The following PSG2 variants were observed in gnomAD, a reference collection of about 807,000 sequenced individuals.
The protein encoded by PSG2 is pregnancy-specific beta-1-glycoprotein 2.
PSG2 carries 49 observed loss-of-function variants against 36.2 expected under a neutral mutation model. The ratio of observed to expected loss-of-function variants is 1.35; its 90% CI spans 1.08 to 1.72. The LOEUF (loss-of-function observed/expected upper bound fraction) is 1.72. PSG2 is among the 40% of genes most tolerant of loss of function. The probability of loss-of-function intolerance (pLI) is 0.00; values close to 1 mark genes in which losing one functional copy is unlikely to be tolerated. For synonymous variants in PSG2, 261 were observed against 155.6 expected (o/e 1.68, Z -5.04); for missense variants, 605 against 407.2 (o/e 1.49, Z -4.18).
intron 1 of PSG2, among the ~76,000 whole-genome samples, chr19:43,081,577 C>T (rs1346646957): frequency 6.6e-6 from 1 of 151,488 alleles, no homozygotes; most frequent in East Asian, 1.9e-4. Flanking sequence ...ATCAGGGTAT[C>T]CTAAGACTTC....
At position 43,071,611 on chromosome 19, in the gene PSG2, G is replaced by C. The variant is rs1418297253; in HGVS notation, c.964+89C>G. 10 of 1,611,044 alleles carry C rather than the reference G, an allele frequency of 6.2e-6. No homozygotes were observed. The African/African-American group carries it at 6.7e-5, about 11-fold the overall frequency. ...TGCTTTTGCCCATGGGACACAGGCT[G>C]GGAATAAAAATGTTTTCCTGACTCT... On this transcript the variant is annotated intron_variant, in intron 4 of 5. Coordinates refer to ENST00000406487, the MANE Select transcript of PSG2 (RefSeq NM_031246.4).
intron 3 of PSG2, among the ~76,000 whole-genome samples, chr19:43,074,257 T>A (rs926643448): frequency 1.3e-5 from 2 of 151,376 alleles, no homozygotes; most frequent in African/African-American, 4.9e-5. Flanking sequence ...CTGGGAGGGG[T>A]TGCATTGAAT....
intron 2 of PSG2, among the ~76,000 whole-genome samples, chr19:43,078,170 G>A (rs1042559102): frequency 6.6e-6 from 1 of 151,734 alleles, no homozygotes; most frequent in Non-Finnish European, 1.5e-5. Context: ...TTATTCCTGG[G>A]CATAGGCCAG....
chr19:43,074,284 G>C lies in PSG2; in HGVS notation c.709+1070C>G, dbSNP rs181170503. Among the ~76,000 whole-genome samples the C allele has an allele frequency of 7.6e-4, 115 of 151,704 alleles. 4 individuals carry two copies. In the East Asian group the frequency reaches 0.018, roughly 24 times the overall value. On this transcript the variant is annotated intron_variant, in intron 3 of 5. Transcript: ENST00000406487. ...GCATTGAATCTGCAACTCACTTTGG[G>C]TAGTATTGTCTTTCTAACAATATTG...
chr19:43,069,274 G>A lies in PSG2; in HGVS notation c.964+2426C>T, dbSNP rs1298890891. ...ATTGGAAGACTCAATATTGTTAGGAGGACAGTGCTACCCAAAGTGAGCTGC... is the reference window on the plus strand; with the variant it reads ...ATTGGAAGACTCAATATTGTTAGGAAGACAGTGCTACCCAAAGTGAGCTGC... On this transcript the variant is annotated intron_variant, in intron 4 of 5. Coordinates refer to ENST00000406487, the MANE Select transcript of PSG2 (RefSeq NM_031246.4). Among the ~76,000 whole-genome samples, 3 of 151,622 alleles carry A rather than the reference G, an allele frequency of 2.0e-5. 1 individual carries two copies. Among genetic ancestry groups the A allele is most frequent in the African/African-American group, 7.3e-5 (3 of 41,042 alleles).
At chr19:43,070,192 C>T (rs1967796403) in intron 4 of PSG2, among the ~76,000 whole-genome samples, 1 of 151,600 alleles carries the variant, frequency 6.6e-6, no homozygotes, top group African/African-American at 2.4e-5. Context: ...GACAGCAACA[C>T]AAAACAACAG....
At chr19:43,073,588 A>G (rs189016721) in intron 3 of PSG2, among the ~76,000 whole-genome samples, 6 of 151,832 alleles carry the variant, frequency 4.0e-5, no homozygotes, top group African/African-American at 1.5e-4. Flanking sequence ...CTACTCTGTG[A>G]TTCCCTGGGT....
rs372843022 is a variant in PSG2, at chr19:43,080,987, C to G, written c.324G>C (p.Leu108=). The G allele has an allele frequency of 1.1e-5, 17 of 1,613,000 alleles. 1 individual carries two copies. The highest frequency in any genetic ancestry group is 4.0e-5 in the African/African-American group (3 of 74,364). ...CGTCCTCCCGGGTGACATTCTGGAT[C>G]AGCAGGGATGCATTGGAATATGCTG... is the stretch of plus-strand genomic sequence containing the variant. ...RETAYSNASL[L]IQNVTREDAG... The change falls in exon 2 of 6, where the codon CTG becomes CTC. Residue 108 remains leucine (L), a synonymous_variant. Transcript: ENST00000406487.
intron 2 of PSG2, among the ~76,000 whole-genome samples, chr19:43,077,884 T>C (rs1884719385): frequency 6.6e-6 from 1 of 151,762 alleles, no homozygotes; most frequent in South Asian, 2.1e-4. Context: ...CTTAGCTTTT[T>C]TACTTAGTGT....
intron 4 of PSG2, among the ~76,000 whole-genome samples, chr19:43,070,762 A>C (rs1451105350): frequency 6.6e-6 from 1 of 151,704 alleles, no homozygotes; most frequent in Non-Finnish European, 1.5e-5. Context: ...AAAGTTCTGG[A>C]AATGGATAGT....
intron 3 of PSG2, among the ~76,000 whole-genome samples, chr19:43,074,118 C>G (rs573972427): frequency 5.3e-5 from 8 of 151,622 alleles, no homozygotes; most frequent in East Asian, 1.9e-4. Context: ...TCTGTGTCAT[C>G]AGAACTTTCC....
chr19:43,082,046 C>A (rs558493937), intron 1 of PSG2: 1 of 155,014 alleles, frequency 6.5e-6, no homozygotes, highest in East Asian at 1.9e-4. Flanking sequence ...CTGTTTTGAC[C>A]CCTGTCCCTC....
chr19:43,069,356 A>C (rs1967785283), intron 4 of PSG2, among the ~76,000 whole-genome samples: 1 of 151,716 alleles, frequency 6.6e-6, no homozygotes, highest in Non-Finnish European at 1.5e-5. Context: ...CAGAAAAACA[A>C]AAATCTGTCC....
At chr19:43,075,048 C>T (rs187257697) in intron 3 of PSG2, among the ~76,000 whole-genome samples, 7 of 151,740 alleles carry the variant, frequency 4.6e-5, no homozygotes, top group East Asian at 3.9e-4. Context: ...TGAGCCAAGC[C>T]GCAACACTGA....
At chr19:43,069,079 GA>G (rs1291924305) in intron 4 of PSG2, among the ~76,000 whole-genome samples, 3 of 151,572 alleles carry the variant, frequency 2.0e-5, no homozygotes, top group Non-Finnish European at 4.4e-5. Flanking sequence ...TGAACAGTCT[GA>G]AGGGAAATTA....
intron 3 of PSG2, chr19:43,072,347 A>G: frequency 6.2e-7 from 1 of 1,612,402 alleles, no homozygotes; most frequent in Non-Finnish European, 8.5e-7. Context: ...GGAACAAAAG[A>G]TACAGAGGAC....
chr19:43,075,309 A>T (rs371738897), intron 3 of PSG2, 45 bp downstream of exon 3: 1 of 1,612,960 alleles, frequency 6.2e-7, no homozygotes, highest in South Asian at 1.1e-5. Context: ...GGCCATGTGT[A>T]TTTGGGATGG....
chr19:43,071,488 C>G (rs1028280018), intron 4 of PSG2, among the ~76,000 whole-genome samples: 4 of 151,632 alleles, frequency 2.6e-5, no homozygotes, highest in Non-Finnish European at 5.9e-5. Context: ...CTACCTTTCT[C>G]AGGCGAGACA....
At chr19:43,065,858 G>A (rs1304148897) in intron 5 of PSG2, 1 of 151,922 alleles carries the variant, frequency 6.6e-6, no homozygotes, top group Non-Finnish European at 1.5e-5. Context: ...GTGTGGTTAA[G>A]TCTGCAGTGC....
Sources: allele counts gnomAD v4.1 joint callset (sites outside exome capture counted in the v4.1 genomes callset), GRCh38; gene constraint gnomAD v4.1.1; transcripts MANE v1.5; gene names NCBI Gene and HGNC (gene_info 2026-07-23, HGNC 2026-07-21).